The following RTF1 variants were observed in gnomAD, a reference collection of about 807,000 sequenced individuals.
RTF1 encodes the protein RTF1 homolog, Paf1/RNA polymerase II complex component, also known as RNA polymerase-associated protein RTF1 homolog.
RTF1 carries 10 observed loss-of-function variants against 95.7 expected under a neutral mutation model. The ratio of observed to expected loss-of-function variants is 0.10; its 90% CI spans 0.06 to 0.18. RTF1 has a LOEUF of 0.18. Ranked by LOEUF, RTF1 falls within the 10% of genes least tolerant of loss-of-function variation. The pLI, the probability that RTF1 is intolerant of heterozygous loss-of-function variation, is 1.00. For missense variants in RTF1, 458 were observed against 875.6 expected (o/e 0.52, Z 6.02); for synonymous variants, 305 against 311.8 (o/e 0.98, Z 0.23).
chr15:41,463,161 C>G (rs933363328), intron 4 of RTF1, among the ~76,000 whole-genome samples: 1 of 152,290 alleles, frequency 6.6e-6, no homozygotes, highest in Non-Finnish European at 1.5e-5. Flanking sequence ...TAGTACTTCA[C>G]TCCTTTTTAT....
In RTF1 at chr15:41,423,595, C is replaced by A. The variant is rs141679928; in HGVS notation, c.198+6282C>A. Among the ~76,000 whole-genome samples the A allele has an allele frequency of 7.5e-3, 1,140 of 151,940 alleles. 20 individuals carry two copies. Among genetic ancestry groups the A allele is most frequent in the African/African-American group, 0.026 (1,078 of 41,418 alleles). ...TGTTGGTCAGTCTGGTCTCAAACTC[C>A]CGACCTCAGATGATCCACCCACCTC... On this transcript the variant is annotated intron_variant, in intron 1 of 17. Transcript: ENST00000389629.
intron 1 of RTF1, 57 bp downstream of exon 1, chr15:41,417,370 G>A: frequency 1.6e-6 from 2 of 1,236,200 alleles, no homozygotes; most frequent in African/African-American, 1.6e-5. Context: ...TCGGGGCCGC[G>A]GGAGCCGGAG....
intron 3 of RTF1, among the ~76,000 whole-genome samples, chr15:41,456,996 A>AT: frequency 1.3e-5 from 2 of 152,180 alleles, no homozygotes; most frequent in Admixed American, 1.3e-4. Context: ...AGGCAGGAGA[A>AT]TCGCTTGTGA....
At chr15:41,457,913 C>A in intron 4 of RTF1, 37 bp downstream of exon 4, 1 of 1,551,616 alleles carries the variant, frequency 6.4e-7, no homozygotes, top group Non-Finnish European at 8.9e-7. Flanking sequence ...CCCCCGCCCC[C>A]ACCTTTTCTG....
At chr15:41,472,134 TGA>T (rs2140652805) in intron 8 of RTF1, among the ~76,000 whole-genome samples, 1 of 151,938 alleles carries the variant, frequency 6.6e-6, no homozygotes, top group African/African-American at 2.4e-5. Flanking sequence ...CTTGACCTTG[TGA>T]TCCACCTGCC....
intron 4 of RTF1, among the ~76,000 whole-genome samples, chr15:41,458,811 C>G (rs1014542527): frequency 6.6e-6 from 1 of 150,986 alleles, no homozygotes; most frequent in Non-Finnish European, 1.5e-5. Flanking sequence ...GTGGCTCACA[C>G]TGGTAATCCC....
chr15:41,432,489 G>T (rs901207959), intron 1 of RTF1, among the ~76,000 whole-genome samples: 1 of 151,948 alleles, frequency 6.6e-6, no homozygotes, highest in Non-Finnish European at 1.5e-5. Flanking sequence ...GAGCCACTGC[G>T]CCCGGCCTAG....
intron 1 of RTF1, among the ~76,000 whole-genome samples, chr15:41,434,334 T>C (rs1343870783): frequency 6.6e-6 from 1 of 152,068 alleles, no homozygotes; most frequent in Non-Finnish European, 1.5e-5. Flanking sequence ...ATTCATACAG[T>C]GGAATACTAC....
At chr15:41,472,615 T>C (rs1595439783) in intron 8 of RTF1, among the ~76,000 whole-genome samples, 1 of 151,990 alleles carries the variant, frequency 6.6e-6, no homozygotes, top group East Asian at 1.9e-4. Context: ...GCCTCCTGGG[T>C]TCAAGCGATT....
chr15:41,417,369 C>T (rs1429436930), intron 1 of RTF1, 56 bp downstream of exon 1: 34 of 1,237,238 alleles, frequency 2.7e-5, no homozygotes, highest in Non-Finnish European at 3.4e-5. Flanking sequence ...GTCGGGGCCG[C>T]GGGAGCCGGA....
intron 4 of RTF1, among the ~76,000 whole-genome samples, chr15:41,461,691 G>A (rs1379782055): frequency 3.3e-5 from 5 of 151,456 alleles, no homozygotes; most frequent in African/African-American, 1.2e-4. Flanking sequence ...GGGTTTCACC[G>A]TGTTAGCCAG....
chr15:41,461,476 C>T (rs1281857274), intron 4 of RTF1, among the ~76,000 whole-genome samples: 3 of 150,868 alleles, frequency 2.0e-5, no homozygotes, highest in Non-Finnish European at 3.0e-5. Context: ...GCCACCACAC[C>T]GGCCTGGCTA....
intron 1 of RTF1, among the ~76,000 whole-genome samples, chr15:41,436,660 G>A (rs1595427918): frequency 6.6e-6 from 1 of 151,358 alleles, no homozygotes; most frequent in African/African-American, 2.4e-5. Context: ...CAGGCATGGT[G>A]GCATTCTCCT....
At position 41,475,508 on chromosome 15, in the gene RTF1, GTC is replaced by G; in HGVS notation, c.1287-11_1287-10del. ...AACATGCACATTTCTTGGAGATGCTGTCTCTCTTTTATGTAGGCATGGCAATG... is the reference window on the plus strand; with the variant it reads ...AACATGCACATTTCTTGGAGATGCTGTCTCTTTTATGTAGGCATGGCAATG... On this transcript the variant is annotated splice_polypyrimidine_tract_variant and intron_variant, in intron 9 of 17. Transcript: ENST00000389629. The G allele has an allele frequency of 6.2e-7, 1 of 1,609,086 alleles. No individual in the cohort carries two copies.
chr15:41,454,621 T>G (rs927455855), intron 3 of RTF1, among the ~76,000 whole-genome samples: 1 of 152,046 alleles, frequency 6.6e-6, no homozygotes, highest in Non-Finnish European at 1.5e-5. Context: ...AAAGGGAAAA[T>G]CTGGGAGACA....
intron 4 of RTF1, 60 bp from the exon 5 acceptor site, chr15:41,464,711 T>A: frequency 7.1e-7 from 1 of 1,403,564 alleles, no homozygotes; most frequent in Non-Finnish European, 9.7e-7. Context: ...TCCTATCTAA[T>A]AGAAATCAGT....
chr15:41,465,456 C>T (rs541253527), intron 5 of RTF1, among the ~76,000 whole-genome samples: 5 of 152,290 alleles, frequency 3.3e-5, no homozygotes, highest in South Asian at 2.1e-4. Flanking sequence ...GCCTGGCCAA[C>T]GTGGCGAAAT....
intron 16 of RTF1, among the ~76,000 whole-genome samples, chr15:41,479,400 G>T (rs2050958663): frequency 6.6e-6 from 1 of 152,106 alleles, no homozygotes. Context: ...CTTGCCTAGG[G>T]CCTTGACTAT....
intron 3 of RTF1, among the ~76,000 whole-genome samples, chr15:41,454,248 C>T (rs2140959008): frequency 6.6e-6 from 1 of 152,198 alleles, no homozygotes; most frequent in Non-Finnish European, 1.5e-5. Context: ...CACCAGCACA[C>T]TTAGCTAATT....
Sources: gnomAD v4.1 joint callset for allele counts (sites outside exome capture counted in the v4.1 genomes callset) on GRCh38, gnomAD v4.1.1 for gene constraint, MANE v1.5 for transcripts, NCBI Gene and HGNC (gene_info 2026-07-23, HGNC 2026-07-21) for gene names.